Variants in HS6ST3 observed in about 807,000 individuals in gnomAD.
HS6ST3 encodes the protein heparan sulfate 6-O-sulfotransferase 3, also known as heparan-sulfate 6-O-sulfotransferase 3.
A neutral mutation model predicts 36.7 loss-of-function variants in HS6ST3; 12 were observed. The observed-to-expected ratio is 0.33, with a 90% CI of 0.21 to 0.53. HS6ST3 has a LOEUF of 0.53. HS6ST3 is among the 20% of genes least tolerant of loss of function. The probability of loss-of-function intolerance (pLI) is 0.95; values close to 1 mark genes in which losing one functional copy is unlikely to be tolerated. For synonymous variants in HS6ST3, 240 were observed against 257.5 expected (o/e 0.93, Z 0.65); for missense variants, 584 against 640.9 (o/e 0.91, Z 0.96).
Position 96,440,685 on chromosome 13 carries a change from A to AT in HS6ST3, c.707+349121dup, listed in dbSNP as rs368630847. On this transcript the variant is annotated intron_variant, in intron 1 of 1. Coordinates refer to ENST00000376705, the MANE Select transcript of HS6ST3 (RefSeq NM_153456.4). ...ATGCATGGACAATGGGGTTCTAGAA[A>AT]TTTTTGGATGATATAAAATGGAAGA... Among the ~76,000 whole-genome samples the AT allele has an allele frequency of 3.0e-3, 463 of 152,150 alleles. 5 individuals are homozygous for AT. The highest frequency in any genetic ancestry group is 0.011 in the African/African-American group (449 of 41,506).
intron 1 of HS6ST3, among the ~76,000 whole-genome samples, chr13:96,760,511 G>T (rs1314706694): frequency 6.6e-6 from 1 of 151,902 alleles, no homozygotes; most frequent in Non-Finnish European, 1.5e-5. Context: ...TTGTATAAAG[G>T]TAATTTTTAA....
chr13:96,406,151 TAC>T (rs757078030), intron 1 of HS6ST3, among the ~76,000 whole-genome samples: 9 of 152,222 alleles, frequency 5.9e-5, no homozygotes, highest in Non-Finnish European at 7.3e-5. Flanking sequence ...TCGGTTTAAT[TAC>T]AGTCTCAGCA....
chr13:96,177,083 C>A (rs1489373955), intron 1 of HS6ST3, among the ~76,000 whole-genome samples: 1 of 152,128 alleles, frequency 6.6e-6, no homozygotes, highest in Non-Finnish European at 1.5e-5. Context: ...CCATCTCATG[C>A]CAGTCAGAAT....
intron 1 of HS6ST3, among the ~76,000 whole-genome samples, chr13:96,656,853 C>A (rs185959361): frequency 6.6e-6 from 1 of 152,024 alleles, no homozygotes; most frequent in East Asian, 1.9e-4. Flanking sequence ...ACAAAATAAT[C>A]TTATGCTTGC....
chr13:96,387,495 A>G (rs75083585), intron 1 of HS6ST3, among the ~76,000 whole-genome samples: 1,537 of 152,316 alleles, frequency 0.01, 19 homozygotes, highest in African/African-American at 0.035. Flanking sequence ...TGGTGGTTAA[A>G]ACATTTTCTT....
At chr13:96,453,631 A>C (rs1387789328) in intron 1 of HS6ST3, among the ~76,000 whole-genome samples, 2 of 152,076 alleles carry the variant, frequency 1.3e-5, no homozygotes, top group African/African-American at 4.8e-5. Context: ...GGAAGCAAAA[A>C]ACGGGTTCTA....
At chr13:96,219,933 C>T (rs181086235) in intron 1 of HS6ST3, among the ~76,000 whole-genome samples, 20 of 152,292 alleles carry the variant, frequency 1.3e-4, no homozygotes, top group African/African-American at 3.8e-4. Flanking sequence ...CTGCCCACCT[C>T]GGCCTCCCAA....
chr13:96,793,197 T>C (rs1877832250), intron 1 of HS6ST3, among the ~76,000 whole-genome samples: 1 of 152,070 alleles, frequency 6.6e-6, no homozygotes, highest in Non-Finnish European at 1.5e-5. Context: ...AGGTGCCCTC[T>C]TTGTATCCTC....
At chr13:96,752,283 C>CTAGTA (rs1361998373) in intron 1 of HS6ST3, among the ~76,000 whole-genome samples, 28 of 152,100 alleles carry the variant, frequency 1.8e-4, no homozygotes, top group African/African-American at 6.7e-4. Context: ...TGTAGCATTG[C>CTAGTA]TAGTACTTGC....
At chr13:96,446,701 G>A (rs1398465296) in intron 1 of HS6ST3, among the ~76,000 whole-genome samples, 1 of 152,182 alleles carries the variant, frequency 6.6e-6, no homozygotes, top group Non-Finnish European at 1.5e-5. Flanking sequence ...AGATCCATTG[G>A]CTAAAAGTGG....
At chr13:96,463,044 G>C (rs2055792858) in intron 1 of HS6ST3, among the ~76,000 whole-genome samples, 1 of 152,118 alleles carries the variant, frequency 6.6e-6, no homozygotes, top group Non-Finnish European at 1.5e-5. Flanking sequence ...TCCTAGCTAG[G>C]AAGACATTAA....
chr13:96,429,001 G>A (rs969405746), intron 1 of HS6ST3, among the ~76,000 whole-genome samples: 1 of 152,208 alleles, frequency 6.6e-6, no homozygotes, highest in Non-Finnish European at 1.5e-5. Flanking sequence ...TATTACAGCT[G>A]TAAAACTCAA....
intron 1 of HS6ST3, among the ~76,000 whole-genome samples, chr13:96,346,297 G>A (rs925049821): frequency 2.0e-5 from 3 of 152,156 alleles, no homozygotes; most frequent in Non-Finnish European, 2.9e-5. Context: ...AAAGCTGGCT[G>A]GGTGCGGTGG....
At position 96,129,945 on chromosome 13, in the gene HS6ST3, A is replaced by T. The variant is rs562198939; in HGVS notation, c.707+38376A>T. Among the ~76,000 whole-genome samples, 13 of 152,318 alleles carry T rather than the reference A, an allele frequency of 8.5e-5. 1 individual carries two copies. The highest frequency in any genetic ancestry group is 3.1e-4 in the African/African-American group (13 of 41,578). On this transcript the variant is annotated intron_variant, in intron 1 of 1. Transcript: ENST00000376705. ...GGTAATAACATATTTCTGTTGATGAAGCCACCATGATGATGGTACTTTGTC... is the reference window on the plus strand; with the variant it reads ...GGTAATAACATATTTCTGTTGATGATGCCACCATGATGATGGTACTTTGTC...
intron 1 of HS6ST3, among the ~76,000 whole-genome samples, chr13:96,488,729 T>C (rs570833947): frequency 6.6e-6 from 1 of 152,194 alleles, no homozygotes; most frequent in African/African-American, 2.4e-5. Context: ...TGCATGATAG[T>C]TTTTCTTTTT....
chr13:96,824,935 C>T (rs934642996), intron 1 of HS6ST3, among the ~76,000 whole-genome samples: 1 of 152,128 alleles, frequency 6.6e-6, no homozygotes, highest in Non-Finnish European at 1.5e-5. Flanking sequence ...AGGCAAGGTT[C>T]CCCCTCTCAA....
chr13:96,815,567 A>G (rs966295785), intron 1 of HS6ST3, among the ~76,000 whole-genome samples: 14 of 152,122 alleles, frequency 9.2e-5, no homozygotes, highest in African/African-American at 3.4e-4. Context: ...CTTCATTGAG[A>G]AAGACTAGTC....
At chr13:96,526,225 G>T (rs201600785) in intron 1 of HS6ST3, among the ~76,000 whole-genome samples, 2 of 152,294 alleles carry the variant, frequency 1.3e-5, no homozygotes, top group East Asian at 3.9e-4. Context: ...GGGGACACAG[G>T]TCCCAATCAC....
intron 1 of HS6ST3, among the ~76,000 whole-genome samples, chr13:96,732,765 T>C (rs146852037): frequency 2.6e-5 from 4 of 152,346 alleles, no homozygotes; most frequent in African/African-American, 7.2e-5. Context: ...ATTTTAACAA[T>C]AGTATCTTTT....
Sources: allele counts gnomAD v4.1 joint callset (sites outside exome capture counted in the v4.1 genomes callset), GRCh38; gene constraint gnomAD v4.1.1; transcripts MANE v1.5; gene names NCBI Gene and HGNC (gene_info 2026-07-23, HGNC 2026-07-21).